The following CADM2 variants were observed in gnomAD, a reference collection of about 807,000 sequenced individuals.
CADM2 encodes cell adhesion molecule 2, also known as immunoglobulin superfamily member 4D.
In CADM2, 12 loss-of-function variants were observed where a neutral mutation model predicts 49.8. That is an observed-to-expected ratio of 0.24 (90% confidence interval 0.15 to 0.39). CADM2 has a LOEUF of 0.39. CADM2 is among the 10% of genes least tolerant of loss of function. The pLI is 1.00. For synonymous variants in CADM2, 214 were observed against 175.4 expected (o/e 1.22, Z -1.74); for missense variants, 378 against 492.3 (o/e 0.77, Z 2.20).
intron 8 of CADM2, among the ~76,000 whole-genome samples, chr3:86,033,261 T>C (rs898590110): frequency 2.0e-5 from 3 of 151,976 alleles, no homozygotes; most frequent in African/African-American, 7.2e-5. Flanking sequence ...TTACAATACT[T>C]GACAAACTTT....
chr3:85,372,977 G>A (rs1275641397), intron 1 of CADM2, among the ~76,000 whole-genome samples: 3 of 152,090 alleles, frequency 2.0e-5, no homozygotes, highest in Non-Finnish European at 4.4e-5. Context: ...TGCAATTCAA[G>A]ATGAGATTTG....
intron 3 of CADM2, among the ~76,000 whole-genome samples, chr3:85,808,443 T>C (rs2072594529): frequency 6.6e-6 from 1 of 151,866 alleles, no homozygotes; most frequent in African/African-American, 2.4e-5. Context: ...GTATTGGCAA[T>C]GGAAAAAAAA....
chr3:85,596,927 G>T (rs1294776093), intron 1 of CADM2, among the ~76,000 whole-genome samples: 1 of 152,050 alleles, frequency 6.6e-6, no homozygotes, highest in Non-Finnish European at 1.5e-5. Flanking sequence ...ATGTTGGCCA[G>T]GCTGGTCTCA....
chr3:86,036,304 G>A (rs180850487), intron 8 of CADM2, among the ~76,000 whole-genome samples: 2 of 152,218 alleles, frequency 1.3e-5, no homozygotes, highest in African/African-American at 4.8e-5. Flanking sequence ...TTCTTTTGCA[G>A]TTAATGCCTT....
At chr3:85,308,586 G>A (rs2107033694) in intron 1 of CADM2, among the ~76,000 whole-genome samples, 1 of 151,974 alleles carries the variant, frequency 6.6e-6, no homozygotes, top group Non-Finnish European at 1.5e-5. Context: ...AACTCAATAT[G>A]GATACCAGGA....
intron 1 of CADM2, among the ~76,000 whole-genome samples, chr3:85,293,190 G>A (rs1486145908): frequency 6.6e-6 from 1 of 152,046 alleles, no homozygotes; most frequent in African/African-American, 2.4e-5. Context: ...AAATCTAGAA[G>A]AAATGGATAA....
chr3:85,619,211 T>C (rs2063895935), intron 1 of CADM2, among the ~76,000 whole-genome samples: 1 of 152,066 alleles, frequency 6.6e-6, no homozygotes, highest in South Asian at 2.1e-4. Context: ...TAGATGAACA[T>C]ATAATCATAA....
rs907355596 is a variant in CADM2 at position 85,947,933 on chromosome 3, G to T, written c.791+12076G>T. ...GTAAGCAGTTTTCTTGCAACAAAAA[G>T]CCAATTATTTTGAGGGATTATGTAA... On this transcript the variant is annotated intron_variant, in intron 7 of 9. Transcript: ENST00000383699. 2.0e-5 allele frequency among the ~76,000 whole-genome samples: 3 copies of T among 151,382 alleles called. No individual in the cohort carries two copies. In the Admixed American group the frequency reaches 2.0e-4, roughly 10 times the overall value.
At chr3:85,066,011 G>A (rs533400125) in intron 1 of CADM2, among the ~76,000 whole-genome samples, 1 of 152,134 alleles carries the variant, frequency 6.6e-6, no homozygotes, top group Non-Finnish European at 1.5e-5. Context: ...TCACTGGAGC[G>A]TGGATATGTG....
chr3:85,483,148 T>C (rs561951637), intron 1 of CADM2, among the ~76,000 whole-genome samples: 2 of 151,628 alleles, frequency 1.3e-5, no homozygotes, highest in East Asian at 3.9e-4. Flanking sequence ...AATACACATA[T>C]TATGAAATTT....
At chr3:85,631,728 T>TA (rs1486676885) in intron 1 of CADM2, among the ~76,000 whole-genome samples, 11 of 152,134 alleles carry the variant, frequency 7.2e-5, no homozygotes, top group Admixed American at 5.2e-4. Flanking sequence ...TAGTGTATTT[T>TA]AAAAAATTTA....
In CADM2 at chr3:85,104,409, C is replaced by T. The variant is rs1291802594; in HGVS notation, c.61+144741C>T. ...TCTGTTCTGTTCCATTGACCTATATCTCTGTTTTGGTACCAGTACCATGCT... is the reference window on the plus strand; with the variant it reads ...TCTGTTCTGTTCCATTGACCTATATTTCTGTTTTGGTACCAGTACCATGCT... On this transcript the variant is annotated intron_variant, in intron 1 of 9. Transcript: ENST00000383699. 2.6e-5 allele frequency among the ~76,000 whole-genome samples: 4 copies of T among 152,150 alleles called. 1 individual carries two copies. Among genetic ancestry groups the T allele is most frequent in the African/African-American group, 7.2e-5 (3 of 41,528 alleles).
intron 1 of CADM2, among the ~76,000 whole-genome samples, chr3:85,382,321 G>A (rs142939260): frequency 0.011 from 1,690 of 152,200 alleles, 26 homozygotes; most frequent in Non-Finnish European, 0.018. Flanking sequence ...AAGAATAAGC[G>A]TAGAGAGAAG....
chr3:85,797,908 C>G (rs2071725232), intron 2 of CADM2, among the ~76,000 whole-genome samples: 2 of 152,220 alleles, frequency 1.3e-5, no homozygotes, highest in African/African-American at 4.8e-5. Context: ...TCTCCACATC[C>G]TTTCCAGCAT....
intron 1 of CADM2, among the ~76,000 whole-genome samples, chr3:85,383,167 A>G (rs2034000230): frequency 6.6e-6 from 1 of 152,088 alleles, no homozygotes; most frequent in Non-Finnish European, 1.5e-5. Context: ...CATCTTCTGT[A>G]TGTCACTTTC....
intron 2 of CADM2, 70 bp from the exon 3 acceptor site, chr3:85,801,977 G>A (rs1385206427): frequency 2.3e-6 from 3 of 1,319,144 alleles, no homozygotes; most frequent in African/African-American, 2.9e-5. Context: ...GTTAAGGCCA[G>A]TGTAGATCTT....
At chr3:85,001,164 T>C (rs1174708967) in intron 1 of CADM2, among the ~76,000 whole-genome samples, 2 of 152,090 alleles carry the variant, frequency 1.3e-5, no homozygotes, top group African/African-American at 4.8e-5. Flanking sequence ...GTCTTGTAAC[T>C]GGCCATTTGA....
intron 1 of CADM2, among the ~76,000 whole-genome samples, chr3:85,566,552 G>A (rs1303452134): frequency 3.3e-5 from 5 of 152,040 alleles, no homozygotes; most frequent in Non-Finnish European, 5.9e-5. Flanking sequence ...AACTCTCAGC[G>A]TGTGGAGATT....
At chr3:85,642,325 C>CA (rs1197430096) in intron 1 of CADM2, among the ~76,000 whole-genome samples, 3 of 150,778 alleles carry the variant, frequency 2.0e-5, no homozygotes, top group Non-Finnish European at 3.0e-5. Context: ...TGGTTTACTG[C>CA]AAAAAATAGC....
Sources: allele counts gnomAD v4.1 joint callset (sites outside exome capture counted in the v4.1 genomes callset), GRCh38; gene constraint gnomAD v4.1.1; transcripts MANE v1.5; gene names NCBI Gene and HGNC (gene_info 2026-07-23, HGNC 2026-07-21).